Variants in TNFRSF10D observed in about 807,000 individuals in gnomAD.
TNFRSF10D encodes the protein TNF receptor superfamily member 10d, also known as tumor necrosis factor receptor superfamily member 10D.
In TNFRSF10D, 28 loss-of-function variants were observed where a neutral mutation model predicts 42.1. The ratio of observed to expected loss-of-function variants is 0.66; its 90% CI spans 0.49 to 0.91. The LOEUF is 0.91. Among genes scored for constraint, TNFRSF10D ranks in the 40% least tolerant of loss-of-function variants. The pLI is 0.00. For synonymous variants in TNFRSF10D, 186 were observed against 189.4 expected (o/e 0.98, Z 0.15); for missense variants, 503 against 486.1 (o/e 1.03, Z -0.33).
intron 3 of TNFRSF10D, among the ~76,000 whole-genome samples, chr8:23,147,800 T>G (rs1386903564): frequency 6.6e-6 from 1 of 151,986 alleles, no homozygotes; most frequent in Non-Finnish European, 1.5e-5. Context: ...CGGTGGCTCA[T>G]GCCTGTAAGC....
chr8:23,138,034 A>G lies in TNFRSF10D; in HGVS notation c.1028-31T>C, dbSNP rs766028113. On this transcript the variant is annotated intron_variant, in intron 8 of 8. Transcript: ENST00000312584. ...AAGAGAGAAGAGATTTAGGGTCTCAATGCTCCAAGGACGATCAGCACAGGA... is the reference window on the plus strand; with the variant it reads ...AAGAGAGAAGAGATTTAGGGTCTCAGTGCTCCAAGGACGATCAGCACAGGA... The G allele has an allele frequency of 1.6e-5, 26 of 1,607,388 alleles. 1 individual carries two copies. Among genetic ancestry groups the G allele is most frequent in the Middle Eastern group, 1.7e-4 (1 of 6,058 alleles).
chr8:23,145,966 T>C (rs1214665651), intron 4 of TNFRSF10D, 45 bp from the exon 5 acceptor site: 2 of 1,612,788 alleles, frequency 1.2e-6, no homozygotes, highest in Non-Finnish European at 8.5e-7. Flanking sequence ...GATGGAAAGC[T>C]GGCCAGGTGG....
chr8:23,140,028 G>A (rs1221611859), intron 7 of TNFRSF10D, among the ~76,000 whole-genome samples: 6 of 151,766 alleles, frequency 4.0e-5, no homozygotes, highest in African/African-American at 7.3e-5. Flanking sequence ...GGTGGCTCAC[G>A]CCTGTAATCT....
chr8:23,158,849 T>C (rs950192457), intron 1 of TNFRSF10D, among the ~76,000 whole-genome samples: 4 of 152,146 alleles, frequency 2.6e-5, no homozygotes, highest in African/African-American at 9.7e-5. Context: ...TTTTGAAGCA[T>C]GTAGTTTGGT....
chr8:23,150,078 A>G (rs1158950586), intron 2 of TNFRSF10D, among the ~76,000 whole-genome samples: 2 of 152,332 alleles, frequency 1.3e-5, no homozygotes, highest in East Asian at 3.9e-4. Context: ...ATGATAAGCT[A>G]AGATATCAGT....
At position 23,141,168 on chromosome 8, in the gene TNFRSF10D, A is replaced by C. The variant is rs532386300; in HGVS notation, c.955-2908T>G. Among the ~76,000 whole-genome samples the C allele has an allele frequency of 2.0e-5, 3 of 152,336 alleles. No homozygotes were observed. The South Asian group carries it at 6.2e-4, about 32-fold the overall frequency. ...CAATGCAATAAAAACAAAAATTGTC[A>C]AGTGGCATCTAATTGAACTAAAGAC... On this transcript the variant is annotated intron_variant, in intron 7 of 8. Transcript: ENST00000312584.
At chr8:23,151,920 G>A (rs1181372277) in intron 2 of TNFRSF10D, among the ~76,000 whole-genome samples, 1 of 152,038 alleles carries the variant, frequency 6.6e-6, no homozygotes, top group Non-Finnish European at 1.5e-5. Context: ...GCCTTGCCCT[G>A]GGGGGGATCC....
intron 1 of TNFRSF10D, among the ~76,000 whole-genome samples, chr8:23,159,365 A>G (rs984815256): frequency 6.6e-6 from 1 of 151,954 alleles, no homozygotes. Context: ...GAAAGTCCCC[A>G]GGGAAACATA....
intron 1 of TNFRSF10D, among the ~76,000 whole-genome samples, chr8:23,163,276 T>G (rs1009079302): frequency 1.1e-4 from 16 of 152,020 alleles, no homozygotes; most frequent in African/African-American, 3.6e-4. Flanking sequence ...CTAATTTTTG[T>G]ATTTTTAGTA....
In TNFRSF10D at chr8:23,145,789, C is replaced by A. The variant is rs772328300; in HGVS notation, c.615G>T (p.Met205Ile). The A allele has an allele frequency of 1.9e-6, 3 of 1,614,160 alleles. No homozygotes were observed. In the South Asian group the frequency reaches 3.3e-5, roughly 18 times the overall value. ...AEETVTTILG[M>I]LASPYHYLII... ...TAAGGTAGTGATAGGGAGAGGCAAG[C>A]ATCCCCAGGATGGTGGTCACTGTCT... is the stretch of plus-strand genomic sequence containing the variant. The change falls in exon 5 of 9, where the codon ATG becomes ATT. Residue 205 changes from methionine (M) to isoleucine (I), a missense_variant. Transcript: ENST00000312584.
At chr8:23,153,546 G>A (rs1375089459) in intron 2 of TNFRSF10D, among the ~76,000 whole-genome samples, 6 of 152,010 alleles carry the variant, frequency 3.9e-5, no homozygotes, top group African/African-American at 1.4e-4. Context: ...CAATTAAAAC[G>A]GACGCATGGG....
chr8:23,144,197 C>T (rs1429897142), intron 7 of TNFRSF10D, among the ~76,000 whole-genome samples: 1 of 152,244 alleles, frequency 6.6e-6, no homozygotes, highest in Admixed American at 6.5e-5. Context: ...AACCCTGTGA[C>T]ACCCACTCTA....
rs1049092354 is a variant in TNFRSF10D at position 23,137,347 on chromosome 8, C to A, written c.*523G>T. On this transcript the variant is annotated 3_prime_UTR_variant, in exon 9 of 9. Coordinates refer to ENST00000312584, the MANE Select transcript of TNFRSF10D (RefSeq NM_003840.5). The stretch of plus-strand genomic sequence containing the variant: ...TATAAGGCAAAGCATTGTGGCTGTG[C>A]GGCATCTGTAGTTAGATGTCATTAA... 1 of 152,468 alleles carries A rather than the reference C, an allele frequency of 6.6e-6. No individual in the cohort carries two copies. Among genetic ancestry groups the A allele is most frequent in the Admixed American group, 6.5e-5 (1 of 15,306 alleles). The allele number at this position is 152,468 out of a possible 1,614,324, so 9.4% of individuals were successfully genotyped here.
intron 2 of TNFRSF10D, among the ~76,000 whole-genome samples, chr8:23,152,320 G>A (rs565376925): frequency 6.1e-3 from 922 of 152,174 alleles, no homozygotes; most frequent in African/African-American, 0.019. Flanking sequence ...ACCGGTGTGT[G>A]GGGAGCAAGA....
At chr8:23,163,570 G>C (rs1414230561) in intron 1 of TNFRSF10D, among the ~76,000 whole-genome samples, 1 of 152,154 alleles carries the variant, frequency 6.6e-6, no homozygotes, top group East Asian at 1.9e-4. Context: ...GGACAGCCAG[G>C]GGGAGCGCGC....
chr8:23,147,139 C>G, intron 3 of TNFRSF10D, 67 bp from the exon 4 acceptor site: 2 of 1,323,834 alleles, frequency 1.5e-6, no homozygotes, highest in Admixed American at 3.4e-5. Flanking sequence ...TTCCTCACCA[C>G]CCCATCCCCT....
chr8:23,146,767 G>A (rs1455565098), intron 4 of TNFRSF10D, among the ~76,000 whole-genome samples, 194 bp downstream of exon 4: 1 of 151,888 alleles, frequency 6.6e-6, no homozygotes, highest in East Asian at 1.9e-4. Context: ...ATGGGAAGGG[G>A]CTGCTGCAGG....
chr8:23,138,885 C>T lies in TNFRSF10D; in HGVS notation c.955-625G>A, dbSNP rs148843004. 1.8e-3 allele frequency among the ~76,000 whole-genome samples: 281 copies of T among 152,204 alleles called. 1 individual carries two copies. Among genetic ancestry groups the T allele is most frequent in the Middle Eastern group, 3.4e-3 (1 of 294 alleles). ...TCTATATGAAACCAAAAGTGAATGC[C>T]ATTGCTAAGAGTGACACTTTGGAGG... On this transcript the variant is annotated intron_variant, in intron 7 of 8. Coordinates refer to ENST00000312584, the MANE Select transcript of TNFRSF10D (RefSeq NM_003840.5).
At chr8:23,142,037 C>T (rs1030770462) in intron 7 of TNFRSF10D, among the ~76,000 whole-genome samples, 3 of 152,070 alleles carry the variant, frequency 2.0e-5, no homozygotes, top group African/African-American at 4.8e-5. Context: ...TTTGGGAGGC[C>T]GAGGTGGATG....
Sources: allele counts gnomAD v4.1 joint callset (sites outside exome capture counted in the v4.1 genomes callset), GRCh38; gene constraint gnomAD v4.1.1; transcripts MANE v1.5; gene names NCBI Gene and HGNC (gene_info 2026-07-23, HGNC 2026-07-21).